LRRC7: variants seen among roughly 807,000 people sequenced by gnomAD.
LRRC7 encodes the protein leucine rich repeat containing 7, also known as leucine-rich repeat-containing protein 7.
A neutral mutation model predicts 175.7 loss-of-function variants in LRRC7; 23 were observed. That is an observed-to-expected ratio of 0.13 (90% CI 0.09 to 0.19). LRRC7 has a LOEUF of 0.19. Among genes scored for constraint, LRRC7 ranks in the 10% least tolerant of loss-of-function variants. The pLI, the probability that LRRC7 is intolerant of heterozygous loss-of-function variation, is 1.00. For synonymous variants in LRRC7, 685 were observed against 680.9 expected, an observed-to-expected ratio of 1.01 and a Z score of -0.09; for missense variants, 1,354 against 1,904.7, an observed-to-expected ratio of 0.71 and a Z score of 5.38.
intron 4 of LRRC7, among the ~76,000 whole-genome samples, chr1:69,810,531 G>A (rs1677708112): frequency 6.6e-6 from 1 of 151,984 alleles, no homozygotes; most frequent in Non-Finnish European, 1.5e-5. Flanking sequence ...TATACTACAA[G>A]GCCACAGCAA....
At position 70,127,961 on chromosome 1, in the gene LRRC7, T is replaced by G. The variant is rs1268675580; in HGVS notation, c.*6074T>G. ...AAAGACTTTTATGTGACTTTTTCTT[T>G]TCTTTCTTTTTTTTTCTTGAGACAG... On this transcript the variant is annotated 3_prime_UTR_variant, in exon 27 of 27. Transcript: ENST00000651989. 2.0e-5 allele frequency among the ~76,000 whole-genome samples: 3 copies of G among 152,180 alleles called. No homozygotes were observed. Among genetic ancestry groups the G allele is most frequent in the African/African-American group, 7.2e-5 (3 of 41,442 alleles).
intron 11 of LRRC7, among the ~76,000 whole-genome samples, chr1:69,999,503 T>A (rs543763729): frequency 6.6e-6 from 1 of 152,300 alleles, no homozygotes; most frequent in Admixed American, 6.5e-5. Context: ...GATAAAACTT[T>A]AATAGAGATT....
At chr1:69,601,070 C>A (rs1442565633) in intron 1 of LRRC7, among the ~76,000 whole-genome samples, 4 of 152,080 alleles carry the variant, frequency 2.6e-5, no homozygotes, top group Admixed American at 2.6e-4. Flanking sequence ...CCTGCCTCAG[C>A]CTCCCAAAGT....
intron 7 of LRRC7, among the ~76,000 whole-genome samples, chr1:69,894,866 ATGAG>A (rs1645933746): frequency 1.3e-5 from 2 of 152,328 alleles, no homozygotes; most frequent in South Asian, 2.1e-4. Flanking sequence ...GTTATACAAT[ATGAG>A]TAAGTTCCAG....
intron 3 of LRRC7, among the ~76,000 whole-genome samples, chr1:69,777,176 G>A (rs1444454264): frequency 6.6e-6 from 1 of 152,174 alleles, no homozygotes; most frequent in African/African-American, 2.4e-5. Context: ...CACTTGGGAG[G>A]AATGGGGCAG....
At chr1:70,004,042 G>A (rs549768075) in intron 11 of LRRC7, among the ~76,000 whole-genome samples, 5 of 152,110 alleles carry the variant, frequency 3.3e-5, no homozygotes, top group East Asian at 1.9e-4. Flanking sequence ...GGAAAGCAAC[G>A]GTTTCTAGTT....
intron 3 of LRRC7, among the ~76,000 whole-genome samples, chr1:69,783,952 AT>A (rs1395833525): frequency 6.6e-6 from 1 of 152,164 alleles, no homozygotes; most frequent in Non-Finnish European, 1.5e-5. Flanking sequence ...ATATTAGAAT[AT>A]TCTTAGCAGC....
At chr1:69,632,830 A>C (rs1050436235) in intron 1 of LRRC7, among the ~76,000 whole-genome samples, 1 of 152,170 alleles carries the variant, frequency 6.6e-6, no homozygotes, top group African/African-American at 2.4e-5. Context: ...CCATTTTGCT[A>C]AGTAGTTTCT....
intron 2 of LRRC7, among the ~76,000 whole-genome samples, chr1:69,736,145 C>T (rs1668095086): frequency 6.6e-6 from 1 of 151,984 alleles, no homozygotes; most frequent in African/African-American, 2.4e-5. Flanking sequence ...TTCACAATTT[C>T]CCTTTCCAAA....
chr1:69,931,361 A>G, intron 7 of LRRC7, 146 bp from the exon 8 acceptor site: 1 of 628,170 alleles, frequency 1.6e-6, no homozygotes. Context: ...GATTTTGTGT[A>G]TTTGAGATTT....
chr1:70,008,876 A>G (rs1570995237), intron 11 of LRRC7, among the ~76,000 whole-genome samples: 1 of 152,188 alleles, frequency 6.6e-6, no homozygotes, highest in Admixed American at 6.5e-5. Context: ...AAGTGACGTG[A>G]CCGGTCACTG....
intron 2 of LRRC7, among the ~76,000 whole-genome samples, chr1:69,727,445 G>A (rs2100803835): frequency 6.6e-6 from 1 of 152,232 alleles, no homozygotes; most frequent in East Asian, 1.9e-4. Context: ...TTTCTTCTTA[G>A]ATAGCTACTT....
intron 6 of LRRC7, 56 bp downstream of exon 6, chr1:69,834,925 A>G: frequency 2.2e-6 from 3 of 1,356,972 alleles, no homozygotes; most frequent in Non-Finnish European, 3.2e-6. Flanking sequence ...TAAGTGCTTT[A>G]CCAGTGCCAG....
chr1:69,856,088 G>A lies in LRRC7; in HGVS notation c.647+17805G>A, dbSNP rs561215643. On this transcript the variant is annotated intron_variant, in intron 7 of 26. Coordinates refer to ENST00000651989, the MANE Select transcript of LRRC7 (RefSeq NM_001370785.2). ...TCTTGACTCTTTATCCAATTTGCCA[G>A]TCTGTGTCTTTTAATTGGAGCATTT... is the stretch of plus-strand genomic sequence containing the variant. Among the ~76,000 whole-genome samples the A allele has an allele frequency of 2.0e-5, 3 of 152,222 alleles. No individual in the cohort carries two copies. The South Asian group carries it at 6.2e-4, about 32-fold the overall frequency.
chr1:69,959,241 A>G (rs1480016727), intron 8 of LRRC7, among the ~76,000 whole-genome samples: 2 of 152,168 alleles, frequency 1.3e-5, no homozygotes, highest in Non-Finnish European at 2.9e-5. Flanking sequence ...GTTAAGTTCA[A>G]CTAGGGAAAT....
At chr1:70,013,441 T>C (rs1346451171) in intron 13 of LRRC7, among the ~76,000 whole-genome samples, 2 of 151,864 alleles carry the variant, frequency 1.3e-5, no homozygotes, top group Admixed American at 1.3e-4. Flanking sequence ...CATATCTATG[T>C]ATGTATGTAT....
chr1:69,961,182 C>T (rs116215947), intron 8 of LRRC7, among the ~76,000 whole-genome samples: 4 of 152,268 alleles, frequency 2.6e-5, no homozygotes, highest in African/African-American at 9.6e-5. Flanking sequence ...CCTCTATACA[C>T]TAGCAATAGT....
At chr1:69,633,339 A>T (rs1652805561) in intron 1 of LRRC7, among the ~76,000 whole-genome samples, 1 of 152,114 alleles carries the variant, frequency 6.6e-6, no homozygotes, top group African/African-American at 2.4e-5. Flanking sequence ...GAATAACTTT[A>T]TCTTTTTATC....
At chr1:70,073,267 TATGATGC>T (rs1662524057) in intron 23 of LRRC7, among the ~76,000 whole-genome samples, 1 of 152,152 alleles carries the variant, frequency 6.6e-6, no homozygotes, top group Non-Finnish European at 1.5e-5. Flanking sequence ...GTAAGTGGAA[TATGATGC>T]TTGCTCTTAA....
Sources: allele counts gnomAD v4.1 joint callset (sites outside exome capture counted in the v4.1 genomes callset), GRCh38; gene constraint gnomAD v4.1.1; transcripts MANE v1.5; gene names NCBI Gene and HGNC (gene_info 2026-07-23, HGNC 2026-07-21).